The following RBM10 variants were observed in gnomAD, a reference collection of about 807,000 sequenced individuals.
RBM10 encodes the protein RNA-binding protein 10.
In RBM10, 1 loss-of-function variant was observed where a neutral mutation model predicts 84.9. That is an observed-to-expected ratio of 0.01 (90% CI 0.00 to 0.06). RBM10 has a LOEUF of 0.06. Among genes scored for constraint, RBM10 ranks in the 10% least tolerant of loss-of-function variants. RBM10 has a pLI of 1.00. For missense variants in RBM10, 438 were observed against 839.0 expected, an observed-to-expected ratio of 0.52 and a Z score of 5.90; for synonymous variants, 326 against 344.5, an observed-to-expected ratio of 0.95 and a Z score of 0.60.
intron 5 of RBM10, among the ~76,000 whole-genome samples, chrX:47,174,558 C>T (rs1242633060): frequency 1.8e-5 from 2 of 111,940 alleles, no homozygotes; most frequent in African/African-American, 6.5e-5. Flanking sequence ...CCCTCCTGGG[C>T]ACCCCTGGCC....
At chrX:47,149,020 CAT>C (rs1368922393) in intron 2 of RBM10, among the ~76,000 whole-genome samples, 1 of 109,468 alleles carries the variant, frequency 9.1e-6, no homozygotes, top group African/African-American at 3.3e-5. Context: ...ATACATGTAT[CAT>C]ATAAATACAT....
chrX:47,157,028 G>A, intron 2 of RBM10: 1 of 300,019 alleles, frequency 3.3e-6, no homozygotes, highest in South Asian at 3.6e-5. Context: ...CCATCTGGTT[G>A]TTGATGATGA....
chrX:47,171,824 G>A (rs1934697510), intron 4 of RBM10, among the ~76,000 whole-genome samples: 2 of 111,284 alleles, frequency 1.8e-5, no homozygotes, highest in African/African-American at 6.5e-5. Flanking sequence ...GAAGCCCCAC[G>A]AGGCCTACCA....
intron 2 of RBM10, among the ~76,000 whole-genome samples, chrX:47,152,774 GACACACACACACACACACACACACAC>G (rs370048928): frequency 1.0e-4 from 8 of 80,364 alleles, no homozygotes; most frequent in South Asian, 7.3e-4. Context: ...TCTTTACATA[GACACACACACACACACACACACACAC>G]ACACACACAC....
intron 5 of RBM10, among the ~76,000 whole-genome samples, chrX:47,173,792 C>T (rs1407914495): frequency 9.4e-6 from 1 of 106,457 alleles, no homozygotes; most frequent in African/African-American, 3.4e-5. Context: ...GTTGTCTCTA[C>T]AGGACCTCTG....
At chrX:47,169,574 G>T (rs1934487682) in intron 3 of RBM10, 76 bp downstream of exon 3, 8 of 1,028,828 alleles carry the variant, frequency 7.8e-6, no homozygotes, top group Non-Finnish European at 8.0e-6. Flanking sequence ...CTGCAGCACC[G>T]TGTGCAGGCA....
intron 21 of RBM10, 73 bp downstream of exon 21, chrX:47,185,863 G>T: frequency 8.4e-7 from 1 of 1,189,509 alleles, no homozygotes; most frequent in Non-Finnish European, 1.1e-6. Context: ...GGCAGCTGGA[G>T]TTCAATTTCT....
At chrX:47,157,010 A>G in intron 2 of RBM10, 2 of 289,981 alleles carry the variant, frequency 6.9e-6, no homozygotes, top group East Asian at 8.8e-5. Context: ...CGATGACGGC[A>G]TGCTGCCCCA....
intron 17 of RBM10, among the ~76,000 whole-genome samples, chrX:47,183,326 G>C (rs1419732146): frequency 9.0e-6 from 1 of 111,611 alleles, no homozygotes; most frequent in African/African-American, 3.3e-5. Flanking sequence ...TTTGAGACCA[G>C]CCTGGCCAAC....
intron 2 of RBM10, chrX:47,158,117 G>A (rs925300250): frequency 9.2e-6 from 2 of 216,707 alleles, no homozygotes; most frequent in Admixed American, 6.4e-5. Flanking sequence ...GCACACCTCC[G>A]CTAAAGCCGG....
chrX:47,164,013 C>T (rs915818723), intron 2 of RBM10, among the ~76,000 whole-genome samples: 1 of 107,972 alleles, frequency 9.3e-6, no homozygotes, highest in African/African-American at 3.4e-5. Context: ...GGACTGCAGG[C>T]GCCCGCCACC....
chrX:47,172,777 G>A (rs1934770152), intron 4 of RBM10, among the ~76,000 whole-genome samples: 1 of 112,392 alleles, frequency 8.9e-6, no homozygotes, highest in African/African-American at 3.2e-5. Flanking sequence ...TTACTTCGTG[G>A]CTGCCAGCGA....
rs1648786438 is a variant in RBM10, at chrX:47,171,119, G to A, written c.293G>A (p.Arg98Gln). The A allele has an allele frequency of 5.0e-6, 6 of 1,210,998 alleles. No homozygotes were observed. The highest frequency in any genetic ancestry group is 2.2e-5 in the Admixed American group (1 of 46,047). Residue 98 changes from arginine to glutamine, a missense_variant, in exon 4 of 24, where the codon CGA (arginine) becomes CAA (glutamine). Arg to Gln is a conservative substitution (Grantham distance 43, BLOSUM62 1). Transcript: ENST00000377604. ...CCCACCGGCCCGCCAGGCTTCCCCC[G>A]AGACGGCGACTATCGGGACCAGGAC... Reference protein sequence around the residue: ...HSPTGPPGFPRDGDYRDQDYR... With the variant: ...HSPTGPPGFPQDGDYRDQDYR...
intron 5 of RBM10, 138 bp downstream of exon 5, chrX:47,173,335 T>C: frequency 8.7e-7 from 1 of 1,147,084 alleles, no homozygotes; most frequent in Non-Finnish European, 1.2e-6. Flanking sequence ...GGGGGTGCCC[T>C]CTCTTCTCTC....
chrX:47,166,006 C>T (rs7882777), intron 2 of RBM10, among the ~76,000 whole-genome samples: 8,991 of 108,970 alleles, frequency 0.083, 943 homozygotes, highest in African/African-American at 0.29. Flanking sequence ...GGTGACAGAG[C>T]GAGACTCCAT....
chrX:47,173,963 G>GCC (rs369612603), intron 5 of RBM10, among the ~76,000 whole-genome samples: 2 of 53,000 alleles, frequency 3.8e-5, no homozygotes, highest in African/African-American at 1.6e-4. Context: ...CTCTCTCTCT[G>GCC]CCCCCCCCAA....
At chrX:47,173,324 G>C (rs376950117) in intron 5 of RBM10, 127 bp downstream of exon 5, 8 of 1,152,752 alleles carry the variant, frequency 6.9e-6, no homozygotes, top group African/African-American at 1.8e-5. Flanking sequence ...TGGGCAGCGT[G>C]GGGGGTGCCC....
At chrX:47,149,817 ATTTTTTTTT>A (rs1219884284) in intron 2 of RBM10, among the ~76,000 whole-genome samples, 10 of 86,066 alleles carry the variant, frequency 1.2e-4, no homozygotes, top group Non-Finnish European at 1.4e-4. Flanking sequence ...TGCTAGCATC[ATTTTTTTTT>A]TTTTTTTTTT....
At chrX:47,162,640 G>C in intron 2 of RBM10, among the ~76,000 whole-genome samples, 1 of 110,128 alleles carries the variant, frequency 9.1e-6, no homozygotes, top group East Asian at 2.8e-4. Context: ...CTTTGGGAGG[G>C]CGAGGGGGGC....
Sources: gnomAD v4.1 joint callset for allele counts (sites outside exome capture counted in the v4.1 genomes callset) on GRCh38, gnomAD v4.1.1 for gene constraint, MANE v1.5 for transcripts, NCBI Gene and HGNC (gene_info 2026-07-23, HGNC 2026-07-21) for gene names.